Variants in VRK2 observed in about 807,000 individuals in gnomAD.
The protein encoded by VRK2 is VRK serine/threonine kinase 2, also known as serine/threonine-protein kinase VRK2.
Under a neutral mutation model 57.6 loss-of-function variants are expected in VRK2, and 60 were observed. The observed-to-expected ratio is 1.04, with a 90% CI of 0.85 to 1.29. VRK2 has a LOEUF of 1.29. Ranked by LOEUF, VRK2 falls within the 50% of genes most tolerant of loss-of-function variation. The pLI, the probability that VRK2 is intolerant of heterozygous loss-of-function variation, is 0.00. For synonymous variants in VRK2, 231 were observed against 199.2 expected (o/e 1.16, Z -1.35); for missense variants, 705 against 588.1 (o/e 1.20, Z -2.06).
chr2:58,104,276 C>T (rs1042889830), intron 7 of VRK2, among the ~76,000 whole-genome samples: 1 of 151,722 alleles, frequency 6.6e-6, no homozygotes, highest in Admixed American at 6.6e-5. Context: ...CGAATTATCT[C>T]TATTTGCCAA....
intron 2 of VRK2, among the ~76,000 whole-genome samples, chr2:58,051,179 T>C (rs924458194): frequency 2.6e-5 from 4 of 152,194 alleles, no homozygotes; most frequent in African/African-American, 9.6e-5. Context: ...ATAATACTGT[T>C]TGTTTTACAA....
chr2:57,945,381 T>C (rs1671230161), intron 1 of VRK2, among the ~76,000 whole-genome samples: 1 of 152,098 alleles, frequency 6.6e-6, no homozygotes, highest in Admixed American at 6.6e-5. Context: ...CTAGATCGAG[T>C]CTATCAACTG....
intron 2 of VRK2, among the ~76,000 whole-genome samples, chr2:58,062,460 G>A (rs1033101757): frequency 6.6e-6 from 1 of 152,062 alleles, no homozygotes; most frequent in African/African-American, 2.4e-5. Context: ...AGTGAGGAAG[G>A]CATGTCGAAA....
chr2:58,128,176 T>A (rs1453479498), intron 8 of VRK2, among the ~76,000 whole-genome samples: 1 of 152,204 alleles, frequency 6.6e-6, no homozygotes, highest in East Asian at 1.9e-4. Flanking sequence ...TATCCAGATC[T>A]TCCACTCATT....
chr2:58,140,069 G>A (rs1681097605), intron 11 of VRK2, among the ~76,000 whole-genome samples: 2 of 152,154 alleles, frequency 1.3e-5, no homozygotes, highest in South Asian at 4.1e-4. Context: ...AGTCACTACT[G>A]TCATAGAGAT....
At chr2:58,139,979 G>C (rs1360461450) in intron 11 of VRK2, 147 bp downstream of exon 11, 1 of 807,038 alleles carries the variant, frequency 1.2e-6, no homozygotes, top group Non-Finnish European at 1.9e-6. Flanking sequence ...CACCAAGAAA[G>C]TTTGTTCCAA....
chr2:58,084,076 T>C lies in VRK2; in HGVS notation c.137-13T>C. On this transcript the variant is annotated splice_polypyrimidine_tract_variant and intron_variant, in intron 2 of 12. Coordinates refer to ENST00000340157, the MANE Select transcript of VRK2 (RefSeq NM_006296.7). Reference sequence around the variant, plus strand: ...AACTATTTTTCTCCATTGTGTGTTTTTTTTGTCTGCAGCTTTCCCCACAAA... The same window carrying C: ...AACTATTTTTCTCCATTGTGTGTTTCTTTTGTCTGCAGCTTTCCCCACAAA... 1.2e-6 allele frequency: 2 copies of C among 1,604,350 alleles called. No individual in the cohort carries two copies. The highest frequency in any genetic ancestry group is 2.2e-5 in the South Asian group (2 of 88,996).
At chr2:57,985,229 T>G (rs1293506492) in intron 1 of VRK2, among the ~76,000 whole-genome samples, 1 of 152,068 alleles carries the variant, frequency 6.6e-6, no homozygotes, top group African/African-American at 2.4e-5. Context: ...GTCTAAAGGT[T>G]AATGAAATTT....
At position 57,972,674 on chromosome 2, in the gene VRK2, C is replaced by T. The variant is rs918253038; in HGVS notation, c.-438-52991C>T. 4.0e-5 allele frequency among the ~76,000 whole-genome samples: 6 copies of T among 151,756 alleles called. No individual in the cohort carries two copies. In the South Asian group the frequency reaches 8.3e-4, roughly 21 times the overall value. ...CTTAATTTTTAATATTTATGTAAAA[C>T]GCATCCATGATTAAAAAGTCAAATC... On this transcript the variant is annotated intron_variant, in intron 1 of 15. Transcript: ENST00000417641.
At chr2:57,999,454 A>G (rs1177172663) in intron 1 of VRK2, among the ~76,000 whole-genome samples, 2 of 152,214 alleles carry the variant, frequency 1.3e-5, no homozygotes, top group Non-Finnish European at 2.9e-5. Flanking sequence ...AAAGTGAGCA[A>G]TATTGAATTA....
chr2:58,071,033 GT>G (rs1265103659), intron 2 of VRK2, among the ~76,000 whole-genome samples: 1 of 152,002 alleles, frequency 6.6e-6, no homozygotes, highest in Non-Finnish European at 1.5e-5. Context: ...GTATCTCATT[GT>G]TTTAATTTGC....
intron 8 of VRK2, among the ~76,000 whole-genome samples, chr2:58,130,116 G>A (rs1199881512): frequency 1.3e-5 from 2 of 152,108 alleles, no homozygotes; most frequent in African/African-American, 4.8e-5. Context: ...CCCTCAATTG[G>A]GGGGTAGGGG....
In VRK2 at chr2:57,911,680, C is replaced by G. The variant is rs560913016; in HGVS notation, c.-439+3841C>G. The stretch of plus-strand genomic sequence containing the variant: ...GCATAATTCATGTGCATCAATGGAG[C>G]CTGGATAGTTTACAGTGATAATCAC... On this transcript the variant is annotated intron_variant, in intron 1 of 15. Coordinates refer to the VRK2 transcript ENST00000417641. Among the ~76,000 whole-genome samples, 14 of 152,174 alleles carry G rather than the reference C, an allele frequency of 9.2e-5. 1 individual carries two copies. In the South Asian group the frequency reaches 2.7e-3, roughly 29 times the overall value.
chr2:57,979,920 T>A (rs1203656035), intron 1 of VRK2, among the ~76,000 whole-genome samples: 1 of 152,108 alleles, frequency 6.6e-6, no homozygotes, highest in Non-Finnish European at 1.5e-5. Context: ...TTATTTGGAT[T>A]CTCTCTCTCT....
At chr2:57,972,097 T>C (rs186785791) in intron 1 of VRK2, among the ~76,000 whole-genome samples, 1 of 151,926 alleles carries the variant, frequency 6.6e-6, no homozygotes, top group African/African-American at 2.4e-5. Flanking sequence ...CAGTTTATCA[T>C]GCATATTTTC....
chr2:57,977,640 A>T (rs1383878974), intron 1 of VRK2, among the ~76,000 whole-genome samples: 1 of 151,334 alleles, frequency 6.6e-6, no homozygotes, highest in Non-Finnish European at 1.5e-5. Context: ...CGTTTTCTAC[A>T]TATAGACTGA....
chr2:58,091,724 C>T (rs1387329900), intron 7 of VRK2, among the ~76,000 whole-genome samples: 1 of 151,500 alleles, frequency 6.6e-6, no homozygotes, highest in East Asian at 1.9e-4. Context: ...ACACTAAATA[C>T]CTTGTTAAAG....
At chr2:57,928,941 G>A (rs932685675) in intron 1 of VRK2, among the ~76,000 whole-genome samples, 4 of 152,206 alleles carry the variant, frequency 2.6e-5, no homozygotes, top group South Asian at 4.1e-4. Flanking sequence ...GCTTCCTTGA[G>A]CTGGGGGAGG....
intron 1 of VRK2, among the ~76,000 whole-genome samples, chr2:57,990,634 T>C (rs1480617830): frequency 6.6e-6 from 1 of 152,196 alleles, no homozygotes; most frequent in African/African-American, 2.4e-5. Flanking sequence ...AGCTCACACA[T>C]ATGGAAGCAA....
Sources: allele counts gnomAD v4.1 joint callset (sites outside exome capture counted in the v4.1 genomes callset), GRCh38; gene constraint gnomAD v4.1.1; transcripts MANE v1.5; gene names NCBI Gene and HGNC (gene_info 2026-07-23, HGNC 2026-07-21).